Variants in E2F7 observed in about 807,000 individuals in gnomAD.
E2F7 encodes the protein transcription factor E2F7.
A neutral mutation model predicts 81.1 loss-of-function variants in E2F7; 35 were observed. The observed-to-expected ratio is 0.43, with a 90% confidence interval of 0.33 to 0.57. The LOEUF (loss-of-function observed/expected upper bound fraction) is 0.57. Ranked by LOEUF, E2F7 falls within the 20% of genes least tolerant of loss-of-function variation. The probability of loss-of-function intolerance (pLI) is 0.04; values close to 1 mark genes in which losing one functional copy is unlikely to be tolerated. For synonymous variants in E2F7, 416 were observed against 416.2 expected, an observed-to-expected ratio of 1.00 and a Z score of 0.01; for missense variants, 961 against 1,093.7, an observed-to-expected ratio of 0.88 and a Z score of 1.71.
intron 4 of E2F7, 116 bp downstream of exon 4, chr12:77,050,459 TC>T: frequency 9.9e-7 from 1 of 1,013,074 alleles, no homozygotes; most frequent in Non-Finnish European, 1.4e-6. Context: ...CTCTGCCTGT[TC>T]CTCTGTCTTC....
intron 6 of E2F7, among the ~76,000 whole-genome samples, chr12:77,043,472 T>G (rs1025471747): frequency 6.6e-6 from 1 of 152,006 alleles, no homozygotes; most frequent in Non-Finnish European, 1.5e-5. Flanking sequence ...GCACTGTGAT[T>G]GCAAAAACAC....
chr12:77,060,298 CAT>C (rs1394301914), intron 2 of E2F7, among the ~76,000 whole-genome samples: 3 of 152,064 alleles, frequency 2.0e-5, no homozygotes, highest in African/African-American at 7.2e-5. Flanking sequence ...GCTTACCTAC[CAT>C]AGAGTTGCTG....
rs1954720527 is a variant in E2F7, at chr12:77,022,441, TG to T, written c.*1573del. 2 of 152,526 alleles carry T rather than the reference TG, an allele frequency of 1.3e-5. No homozygotes were observed. Among genetic ancestry groups the T allele is most frequent in the South Asian group, 4.1e-4 (2 of 4,834 alleles). 9.4% of individuals were successfully genotyped at this position (152,526 alleles called of 1,614,324 possible). A position where few individuals can be genotyped will look rare whatever the true frequency, so the allele number is the denominator to read the frequency against. On this transcript the variant is annotated 3_prime_UTR_variant, in exon 13 of 13. Transcript: ENST00000322886. ...CTACCTCAAGTTTTAAAAAATCTTG[TG>T]GGGGTAATAAGGCTAATATTATCCT...
At chr12:77,048,330 A>T (rs1408467182) in intron 4 of E2F7, among the ~76,000 whole-genome samples, 1 of 152,164 alleles carries the variant, frequency 6.6e-6, no homozygotes, top group African/African-American at 2.4e-5. Flanking sequence ...CATTCTATTA[A>T]TCCCAATCAC....
chr12:77,044,637 T>C lies in E2F7; in HGVS notation c.988A>G (p.Thr330Ala). Reference protein sequence around the residue: ...QDAPDHSKFKTKVRRLYDIAN... With the variant: ...QDAPDHSKFKAKVRRLYDIAN... ...AGTTGATGGAGGTGAAGATTCTTAC[T>C]TTTAAATTTACTATGGTCTGGGGCA... is the stretch of plus-strand genomic sequence containing the variant. Residue 330 changes from threonine (T) to alanine (A), a missense_variant and splice_region_variant, in exon 6 of 13, where the codon ACA becomes GCA. Around this residue, in one of 3 missense-constraint regions of E2F7, gnomAD observed 301 missense variants for 405.0 expected, o/e 0.74. Transcript: ENST00000322886. 1 of 1,613,804 alleles carries C rather than the reference T, an allele frequency of 6.2e-7. No homozygotes were observed. The highest frequency in any genetic ancestry group is 1.7e-5 in the Admixed American group (1 of 59,954).
chr12:77,057,565 T>C (rs1253824858), intron 2 of E2F7, among the ~76,000 whole-genome samples: 1 of 152,188 alleles, frequency 6.6e-6, no homozygotes, highest in East Asian at 1.9e-4. Context: ...TTTTGCACCC[T>C]GGTGATAGTT....
At chr12:77,029,627 G>A (rs1398669837) in intron 10 of E2F7, among the ~76,000 whole-genome samples, 1 of 152,254 alleles carries the variant, frequency 6.6e-6, no homozygotes, top group Non-Finnish European at 1.5e-5. Context: ...TATAGAAAGT[G>A]TGAGTTTTAT....
intron 7 of E2F7, among the ~76,000 whole-genome samples, chr12:77,035,267 G>C (rs1348605342): frequency 1.3e-5 from 2 of 152,204 alleles, no homozygotes; most frequent in Non-Finnish European, 2.9e-5. Flanking sequence ...CAGAATGCTG[G>C]AGAGGGGAGC....
At chr12:77,032,131 C>T (rs1017721989) in intron 9 of E2F7, among the ~76,000 whole-genome samples, 1 of 152,218 alleles carries the variant, frequency 6.6e-6, no homozygotes, top group Non-Finnish European at 1.5e-5. Flanking sequence ...TACAAATGCT[C>T]TGTTCTGTGG....
chr12:77,032,814 G>C (rs895477050), intron 9 of E2F7, among the ~76,000 whole-genome samples: 9 of 152,002 alleles, frequency 5.9e-5, no homozygotes, highest in African/African-American at 2.2e-4. Flanking sequence ...TTTCCGTGTT[G>C]GTCTTTTTAT....
chr12:77,030,200 A>T lies in E2F7; in HGVS notation c.1515T>A (p.Ala505=), dbSNP rs1375814344. The T allele has an allele frequency of 6.2e-7, 1 of 1,614,174 alleles. No individual in the cohort carries two copies. The highest frequency in any genetic ancestry group is 1.1e-5 in the South Asian group (1 of 91,078). ...NPLAHPVFSV[A]QTDLQAFSMQ... is the part of the protein sequence containing the mutation. ...TGGAGAATGCCTGCAGGTCCGTCTGAGCAACAGAAAATACTGGGTGGGCTA... is the reference window on the plus strand; with the variant it reads ...TGGAGAATGCCTGCAGGTCCGTCTGTGCAACAGAAAATACTGGGTGGGCTA... Residue 505 remains alanine (A), a synonymous_variant, in exon 10 of 13, where the codon GCT becomes GCA. Transcript: ENST00000322886.
At chr12:77,043,905 T>C (rs1383429589) in intron 6 of E2F7, among the ~76,000 whole-genome samples, 1 of 152,168 alleles carries the variant, frequency 6.6e-6, no homozygotes, top group African/African-American at 2.4e-5. Context: ...GATTTACAGG[T>C]AGGAAACCCA....
intron 3 of E2F7, among the ~76,000 whole-genome samples, chr12:77,051,713 A>G (rs1345930256): frequency 6.6e-6 from 1 of 152,186 alleles, no homozygotes; most frequent in African/African-American, 2.4e-5. Context: ...ACAACAGCAA[A>G]CATCTATTTG....
chr12:77,030,727 C>T (rs910334623), intron 9 of E2F7, among the ~76,000 whole-genome samples: 5 of 152,092 alleles, frequency 3.3e-5, no homozygotes, highest in Admixed American at 6.5e-5. Flanking sequence ...ACTCTCATTT[C>T]CCCAGTTTAC....
chr12:77,050,455 C>G (rs1954977230), intron 4 of E2F7, 121 bp downstream of exon 4: 3 of 963,694 alleles, frequency 3.1e-6, no homozygotes, highest in Non-Finnish European at 4.5e-6. Context: ...GAAGCTCTGC[C>G]TGTTCCTCTG....
chr12:77,029,816 C>T lies in E2F7; in HGVS notation c.1884+15G>A. On this transcript the variant is annotated intron_variant, in intron 10 of 12. Transcript: ENST00000322886. ...AACAGGATGTCACCAGACACATCCA[C>T]CTGCACTCCCTTACCTTGGGCATGA... The T allele has an allele frequency of 6.2e-7, 1 of 1,612,956 alleles. No homozygotes were observed. Among genetic ancestry groups the T allele is most frequent in the Non-Finnish European group, 8.5e-7 (1 of 1,179,258 alleles).
Position 77,044,631 on chromosome 12 carries a change from T to A in E2F7, c.988+6A>T. ...CTAGTAAGTTGATGGAGGTGAAGAT[T>A]CTTACTTTTAAATTTACTATGGTCT... On this transcript the variant is annotated splice_donor_region_variant and intron_variant, in intron 6 of 12. Coordinates refer to ENST00000322886, the MANE Select transcript of E2F7 (RefSeq NM_203394.3). 1 of 1,613,500 alleles carries A rather than the reference T, an allele frequency of 6.2e-7. No homozygotes were observed. Among genetic ancestry groups the A allele is most frequent in the South Asian group, 1.1e-5 (1 of 90,814 alleles).
intron 8 of E2F7, among the ~76,000 whole-genome samples, chr12:77,033,550 G>T (rs1157551355): frequency 6.6e-6 from 1 of 152,182 alleles, no homozygotes; most frequent in African/African-American, 2.4e-5. Flanking sequence ...TTTAAAACAA[G>T]CATTGCTTTA....
intron 2 of E2F7, among the ~76,000 whole-genome samples, chr12:77,056,610 A>G (rs1312470330): frequency 1.3e-5 from 2 of 152,224 alleles, no homozygotes; most frequent in Non-Finnish European, 2.9e-5. Context: ...CCACATTTTA[A>G]GCCAACCTAG....
Sources: gnomAD v4.1 joint callset for allele counts (sites outside exome capture counted in the v4.1 genomes callset) on GRCh38, gnomAD v4.1.1 for gene constraint, gnomAD v4.1.1 regional missense constraint, MANE v1.5 for transcripts, NCBI Gene and HGNC (gene_info 2026-07-23, HGNC 2026-07-21) for gene names.